The following FAR2 variants were observed in gnomAD, a reference collection of about 807,000 sequenced individuals.
The protein encoded by FAR2 is epididymis secretory protein Li 81.
In FAR2, 19 loss-of-function variants were observed where a neutral mutation model predicts 56.0. That is an observed-to-expected ratio of 0.34 (90% CI 0.24 to 0.50). The LOEUF is 0.50. Among genes scored for constraint, FAR2 ranks in the 20% least tolerant of loss-of-function variants. FAR2 has a pLI of 0.98. For synonymous variants in FAR2, 219 were observed against 218.8 expected (o/e 1.00, Z -0.01); for missense variants, 508 against 642.2 (o/e 0.79, Z 2.26).
At chr12:29,173,367 G>A (rs1341959279) in intron 1 of FAR2, among the ~76,000 whole-genome samples, 2 of 152,136 alleles carry the variant, frequency 1.3e-5, no homozygotes, top group South Asian at 2.1e-4. Context: ...GGGAGCAATA[G>A]GGAGGCTAGG....
intron 4 of FAR2, 146 bp from the exon 5 acceptor site, chr12:29,307,512 C>T: frequency 2.7e-6 from 2 of 742,706 alleles, no homozygotes; most frequent in East Asian, 2.8e-5. Context: ...TGAGCAGGTA[C>T]ACACTCAAAC....
At chr12:29,304,464 A>G (rs1311255654) in intron 4 of FAR2, among the ~76,000 whole-genome samples, 1 of 152,194 alleles carries the variant, frequency 6.6e-6, no homozygotes, top group African/African-American at 2.4e-5. Context: ...GACATAATCT[A>G]CCCTGGAGAA....
chr12:29,241,637 G>C (rs536566873), intron 1 of FAR2, among the ~76,000 whole-genome samples: 68 of 152,202 alleles, frequency 4.5e-4, no homozygotes, highest in African/African-American at 1.5e-3. Flanking sequence ...TTGATGCTGA[G>C]TTCTTTTTAA....
Position 29,333,899 on chromosome 12 carries a change from C to A in FAR2, c.*105C>A. 9.7e-7 allele frequency: 1 copy of A among 1,029,832 alleles called. No homozygotes were observed. Among genetic ancestry groups the A allele is most frequent in the South Asian group, 1.6e-5 (1 of 61,590 alleles). The allele number at this position is 1,029,832 out of a possible 1,614,324, so 63.8% of individuals were successfully genotyped here. A position where few individuals can be genotyped will look rare whatever the true frequency, so the allele number is the denominator to read the frequency against. On this transcript the variant is annotated 3_prime_UTR_variant, in exon 12 of 12. Transcript: ENST00000536681. Reference sequence around the variant, plus strand: ...GTAACAAGGAATATGCCCAAACTGTCAAATGTCACCTGTTATGTATTCGTC... The same window carrying A: ...GTAACAAGGAATATGCCCAAACTGTAAAATGTCACCTGTTATGTATTCGTC...
At chr12:29,247,248 G>A (rs1293320659) in intron 1 of FAR2, among the ~76,000 whole-genome samples, 1 of 152,116 alleles carries the variant, frequency 6.6e-6, no homozygotes, top group Non-Finnish European at 1.5e-5. Flanking sequence ...TTGATATGTG[G>A]CAGTGACTAA....
chr12:29,307,954 C>A, intron 5 of FAR2, 119 bp downstream of exon 5: 1 of 1,105,086 alleles, frequency 9.0e-7, no homozygotes, highest in African/African-American at 1.6e-5. Context: ...TGCAGCCAAT[C>A]GAATATGAAC....
chr12:29,333,728 C>A lies in FAR2; in HGVS notation c.1482C>A (p.Phe494Leu). ...CTCAGATGGCTCGGAATGTCTGGTT[C>A]TTCATTGTAAGCTTCTGTTATAAAT... ...ARSQMARNVW[F>L]FIVSFCYKFL... The change falls in exon 12 of 12, where the codon TTC becomes TTA. Residue 494 changes from phenylalanine to leucine, a missense_variant. By Grantham distance (22) the Phe-to-Leu change is conservative (BLOSUM62 0). Transcript: ENST00000536681. The A allele has an allele frequency of 6.2e-7, 1 of 1,613,854 alleles. No homozygotes were observed. The highest frequency in any genetic ancestry group is 1.1e-5 in the South Asian group (1 of 91,060).
At chr12:29,291,617 T>A in intron 2 of FAR2, 3 of 374,210 alleles carry the variant, frequency 8.0e-6, no homozygotes, top group South Asian at 6.1e-5. Flanking sequence ...TTAGTGGGTA[T>A]GGGATAGGAC....
intron 1 of FAR2, among the ~76,000 whole-genome samples, chr12:29,191,972 A>G (rs1470623994): frequency 6.6e-6 from 1 of 151,946 alleles, no homozygotes; most frequent in East Asian, 1.9e-4. Context: ...TTTAAAATAA[A>G]TAGTGGACTC....
In FAR2 at chr12:29,154,011, G is replaced by A. The variant is rs528448476; in HGVS notation, c.-39+4604G>A. Among the ~76,000 whole-genome samples, 15 of 152,234 alleles carry A rather than the reference G, an allele frequency of 9.9e-5. No individual in the cohort carries two copies. The South Asian group carries it at 2.9e-3, about 30-fold the overall frequency. ...ATGGGGTGAGAGAAAGGAGGGAGGA[G>A]ATTTTTGCTTTTCATACTATCCTCT... is the stretch of plus-strand genomic sequence containing the variant. On this transcript the variant is annotated intron_variant, in intron 1 of 11. Coordinates refer to ENST00000536681, the MANE Select transcript of FAR2 (RefSeq NM_001271783.2).
At chr12:29,291,007 G>GTAAC (rs1284822779) in intron 2 of FAR2, among the ~76,000 whole-genome samples, 2 of 152,134 alleles carry the variant, frequency 1.3e-5, no homozygotes, top group African/African-American at 4.8e-5. Flanking sequence ...TGGATTGCTT[G>GTAAC]TAACTCAAAG....
chr12:29,221,998 C>G (rs1335009860), intron 1 of FAR2, among the ~76,000 whole-genome samples: 3 of 152,134 alleles, frequency 2.0e-5, no homozygotes. Context: ...CAGGTGCCCA[C>G]TACCACACCC....
intron 1 of FAR2, among the ~76,000 whole-genome samples, chr12:29,244,489 T>G (rs1349817729): frequency 6.6e-6 from 1 of 152,182 alleles, no homozygotes; most frequent in Non-Finnish European, 1.5e-5. Flanking sequence ...CTTCTTGCAT[T>G]TTGTGTAGCA....
chr12:29,322,849 T>A (rs1949575076), intron 10 of FAR2, among the ~76,000 whole-genome samples: 3 of 152,190 alleles, frequency 2.0e-5, no homozygotes, highest in African/African-American at 7.2e-5. Context: ...TTTCTTTGAC[T>A]AGGAAAGGGA....
At chr12:29,258,627 C>T (rs1186693216) in intron 1 of FAR2, among the ~76,000 whole-genome samples, 1 of 152,134 alleles carries the variant, frequency 6.6e-6, no homozygotes, top group Non-Finnish European at 1.5e-5. Context: ...AGATGTCTCT[C>T]AACACACAGT....
intron 4 of FAR2, among the ~76,000 whole-genome samples, chr12:29,299,623 A>C (rs181265929): frequency 2.6e-5 from 4 of 152,336 alleles, no homozygotes; most frequent in African/African-American, 4.8e-5. Flanking sequence ...TAAGGAACTA[A>C]GTTTTTTTAA....
chr12:29,188,014 A>G (rs372007115), intron 1 of FAR2, among the ~76,000 whole-genome samples: 60 of 152,244 alleles, frequency 3.9e-4, no homozygotes, highest in African/African-American at 1.4e-3. Context: ...CAGAATCACT[A>G]CCTTCACTAT....
At chr12:29,260,303 T>C (rs1031460730) in intron 1 of FAR2, among the ~76,000 whole-genome samples, 1 of 152,212 alleles carries the variant, frequency 6.6e-6, no homozygotes, top group Non-Finnish European at 1.5e-5. Context: ...ACATCTCTGA[T>C]GCAGCTTTGT....
chr12:29,185,996 A>G (rs2136602037), intron 1 of FAR2, among the ~76,000 whole-genome samples: 1 of 152,346 alleles, frequency 6.6e-6, no homozygotes, highest in South Asian at 2.1e-4. Flanking sequence ...GTGCTATTAA[A>G]CAGCAACATC....
Sources: gnomAD v4.1 joint callset for allele counts (sites outside exome capture counted in the v4.1 genomes callset) on GRCh38, gnomAD v4.1.1 for gene constraint, MANE v1.5 for transcripts, NCBI Gene and HGNC (gene_info 2026-07-23, HGNC 2026-07-21) for gene names.